GPR39: variants seen among roughly 807,000 people sequenced by gnomAD.
GPR39 encodes zinc sensing receptor.
A neutral mutation model predicts 18.4 loss-of-function variants in GPR39; 23 were observed. The ratio of observed to expected loss-of-function variants is 1.25; its 90% confidence interval spans 0.90 to 1.77. The LOEUF (loss-of-function observed/expected upper bound fraction) is 1.77, where lower values mean the gene tolerates loss of function less well. Ranked by LOEUF, GPR39 falls within the 40% of genes most tolerant of loss-of-function variation. GPR39 has a pLI of 0.00. For missense variants in GPR39, 647 were observed against 602.4 expected (o/e 1.07, Z -0.78); for synonymous variants, 280 against 257.9 (o/e 1.09, Z -0.82).
intron 1 of GPR39, among the ~76,000 whole-genome samples, chr2:132,433,175 T>A (rs1403098723): frequency 6.6e-6 from 1 of 152,196 alleles, no homozygotes. Flanking sequence ...TACACAAATC[T>A]TTTATAAAAC....
At chr2:132,607,728 C>T (rs1431459804) in intron 1 of GPR39, among the ~76,000 whole-genome samples, 1 of 152,148 alleles carries the variant, frequency 6.6e-6, no homozygotes, top group Admixed American at 6.5e-5. Flanking sequence ...CTCCACTTTC[C>T]CTCAAGCTGC....
chr2:132,547,591 G>A (rs892876434), intron 1 of GPR39, among the ~76,000 whole-genome samples: 8 of 152,116 alleles, frequency 5.3e-5, no homozygotes, highest in African/African-American at 1.9e-4. Context: ...AAGTAAACTA[G>A]GATTAGGAAG....
chr2:132,460,408 G>A (rs1680809419), intron 1 of GPR39, among the ~76,000 whole-genome samples: 1 of 152,128 alleles, frequency 6.6e-6, no homozygotes, highest in Admixed American at 6.5e-5. Context: ...TGGGGGAGAG[G>A]GGAGAAGATG....
intron 1 of GPR39, among the ~76,000 whole-genome samples, chr2:132,431,907 T>G (rs1335468484): frequency 2.0e-5 from 3 of 152,282 alleles, no homozygotes; most frequent in South Asian, 2.1e-4. Flanking sequence ...AAGTCCAAAA[T>G]AAGTTTCTCT....
At chr2:132,490,564 G>A (rs111688131) in intron 1 of GPR39, among the ~76,000 whole-genome samples, 7,894 of 151,934 alleles carry the variant, frequency 0.052, 760 homozygotes, top group African/African-American at 0.18. Flanking sequence ...GAGACAGGAA[G>A]AACCAGTACC....
intron 1 of GPR39, among the ~76,000 whole-genome samples, chr2:132,493,371 A>G (rs967360061): frequency 1.3e-4 from 19 of 144,972 alleles, no homozygotes; most frequent in Non-Finnish European, 2.0e-4. Flanking sequence ...TATACACTAT[A>G]TATATACACA....
At position 132,494,565 on chromosome 2, in the gene GPR39, G is replaced by A. The variant is rs138355047; in HGVS notation, c.856+76667G>A. ...ATGATTAGGCCTTCCCTGAGCAGCC[G>A]AATTGTTTTCATCACACGGACACTA... On this transcript the variant is annotated intron_variant, in intron 1 of 1. Transcript: ENST00000329321. 9.0e-3 allele frequency among the ~76,000 whole-genome samples: 1,370 copies of A among 152,210 alleles called. 11 individuals carry two copies. The highest frequency in any genetic ancestry group is 0.016 in the Non-Finnish European group (1,088 of 68,010).
At chr2:132,644,683 T>TACAA (rs3043654) in intron 1 of GPR39, among the ~76,000 whole-genome samples, 68,124 of 151,764 alleles carry the variant, frequency 0.45, 15,495 homozygotes, top group South Asian at 0.51. Context: ...TCCTTTAAAA[T>TACAA]ACAAACACTG....
At chr2:132,465,399 A>G (rs1387709662) in intron 1 of GPR39, among the ~76,000 whole-genome samples, 1 of 152,056 alleles carries the variant, frequency 6.6e-6, no homozygotes, top group African/African-American at 2.4e-5. Flanking sequence ...ATGGAATGCA[A>G]CTTCCCCTAG....
In GPR39 at chr2:132,524,926, G is replaced by A. The variant is rs180889710; in HGVS notation, c.856+107028G>A. Among the ~76,000 whole-genome samples the A allele has an allele frequency of 1.0e-3, 155 of 152,100 alleles. 2 individuals carry two copies. The East Asian group carries it at 0.022, about 22-fold the overall frequency. On this transcript the variant is annotated intron_variant, in intron 1 of 1. Coordinates refer to ENST00000329321, the MANE Select transcript of GPR39 (RefSeq NM_001508.3). Reference sequence around the variant, plus strand: ...TCACGCTTCAGTCATTTTCCTCTGCGAATCGCTTTATACAGCCCATACTCA... The same window carrying A: ...TCACGCTTCAGTCATTTTCCTCTGCAAATCGCTTTATACAGCCCATACTCA...
At chr2:132,444,439 C>T (rs1411553041) in intron 1 of GPR39, among the ~76,000 whole-genome samples, 3 of 152,038 alleles carry the variant, frequency 2.0e-5, no homozygotes, top group South Asian at 2.1e-4. Context: ...TGCAGGCACA[C>T]GCCCATACCC....
At position 132,595,140 on chromosome 2, in the gene GPR39, C is replaced by T. The variant is rs528176969; in HGVS notation, c.857-49961C>T. ...CAGCCTCCTGAGTAGCTGGACTTAC[C>T]GGCGTACGCTACCATGCCTGGCTAA... On this transcript the variant is annotated intron_variant, in intron 1 of 1. Transcript: ENST00000329321. Among the ~76,000 whole-genome samples, 213 of 152,154 alleles carry T rather than the reference C, an allele frequency of 1.4e-3. 1 individual carries two copies. Among genetic ancestry groups the T allele is most frequent in the Admixed American group, 0.011 (163 of 15,292 alleles).
At chr2:132,613,220 T>C (rs1053008025) in intron 1 of GPR39, among the ~76,000 whole-genome samples, 2 of 152,244 alleles carry the variant, frequency 1.3e-5, no homozygotes, top group African/African-American at 4.8e-5. Context: ...ATCATTTTGC[T>C]TTTTATTTCT....
rs141103633 is a variant in GPR39, at chr2:132,475,266, T to C, written c.856+57368T>C. Among the ~76,000 whole-genome samples, 9 of 151,738 alleles carry C rather than the reference T, an allele frequency of 5.9e-5. No homozygotes were observed. In the East Asian group the frequency reaches 1.7e-3, roughly 29 times the overall value. On this transcript the variant is annotated intron_variant, in intron 1 of 1. Coordinates refer to ENST00000329321, the MANE Select transcript of GPR39 (RefSeq NM_001508.3). ...CTGCATGCTTGTTCATGAACACTGCTAGTATGTGTTAGCAAAGTTCTACAG... is the reference window on the plus strand; with the variant it reads ...CTGCATGCTTGTTCATGAACACTGCCAGTATGTGTTAGCAAAGTTCTACAG...
At chr2:132,538,565 G>A (rs11690136) in intron 1 of GPR39, among the ~76,000 whole-genome samples, 33,921 of 152,160 alleles carry the variant, frequency 0.22, 4,601 homozygotes, top group African/African-American at 0.37. Flanking sequence ...CCTTAGCAGA[G>A]CTAATGTGCT....
In GPR39 at chr2:132,566,698, A is replaced by G. The variant is rs1448000704; in HGVS notation, c.857-78403A>G. Among the ~76,000 whole-genome samples the G allele has an allele frequency of 2.0e-5, 3 of 152,280 alleles. No individual in the cohort carries two copies. In the East Asian group the frequency reaches 5.8e-4, roughly 29 times the overall value. ...GGTGAAGGAGTGGGTGATTGACAGG[A>G]TGTCTTGTGATGCACAAGATACTGA... is the stretch of plus-strand genomic sequence containing the variant. On this transcript the variant is annotated intron_variant, in intron 1 of 1. Transcript: ENST00000329321.
At chr2:132,584,748 G>A (rs1372092402) in intron 1 of GPR39, among the ~76,000 whole-genome samples, 1 of 152,204 alleles carries the variant, frequency 6.6e-6, no homozygotes, top group East Asian at 1.9e-4. Flanking sequence ...ATGCAAATGA[G>A]GCTTTCAGAG....
chr2:132,536,900 TC>T (rs2104781588), intron 1 of GPR39, among the ~76,000 whole-genome samples: 1 of 152,300 alleles, frequency 6.6e-6, no homozygotes, highest in African/African-American at 2.4e-5. Flanking sequence ...CCCTGCTTTT[TC>T]TTTGCTTTCC....
chr2:132,491,430 T>A (rs115766549), intron 1 of GPR39, among the ~76,000 whole-genome samples: 2,772 of 152,180 alleles, frequency 0.018, 96 homozygotes, highest in African/African-American at 0.062. Context: ...GCCTACTTAT[T>A]CAAATGTTCT....
Sources: gnomAD v4.1 joint callset for allele counts (sites outside exome capture counted in the v4.1 genomes callset) on GRCh38, gnomAD v4.1.1 for gene constraint, MANE v1.5 for transcripts, NCBI Gene and HGNC (gene_info 2026-07-23, HGNC 2026-07-21) for gene names.